The following MEI4 variants were observed in gnomAD, a reference collection of about 807,000 sequenced individuals.
The protein encoded by MEI4 is meiotic double-stranded break formation protein 4, also known as meiosis-specific protein MEI4.
MEI4 carries 27 observed loss-of-function variants against 31.4 expected under a neutral mutation model. That is an observed-to-expected ratio of 0.86 (90% CI 0.63 to 1.19). The LOEUF is 1.19. MEI4 is among the 50% of genes most tolerant of loss of function. The pLI is 0.00. For synonymous variants in MEI4, 122 were observed against 145.4 expected (o/e 0.84, Z 1.16); for missense variants, 329 against 398.9 (o/e 0.82, Z 1.49).
At chr6:77,701,278 C>A (rs191271012) in intron 2 of MEI4, among the ~76,000 whole-genome samples, 86 of 152,240 alleles carry the variant, frequency 5.6e-4, no homozygotes, top group African/African-American at 2.0e-3. Context: ...ACTCACATCA[C>A]AGAGACTAGC....
chr6:77,811,709 A>G (rs977990926), intron 3 of MEI4, among the ~76,000 whole-genome samples: 1 of 151,392 alleles, frequency 6.6e-6, no homozygotes, highest in Admixed American at 6.6e-5. Flanking sequence ...TGGGAGGTGG[A>G]GGTTGCAGTG....
At chr6:77,765,262 T>G (rs2127684097) in intron 3 of MEI4, among the ~76,000 whole-genome samples, 1 of 152,190 alleles carries the variant, frequency 6.6e-6, no homozygotes, top group Middle Eastern at 3.4e-3. Context: ...TATATCTTAT[T>G]TTCTCCACTA....
intron 4 of MEI4, among the ~76,000 whole-genome samples, chr6:77,848,743 CT>C (rs1770543545): frequency 6.6e-6 from 1 of 152,146 alleles, no homozygotes; most frequent in South Asian, 2.1e-4. Context: ...AAAAGGTAGT[CT>C]CAACTCTAAT....
intron 4 of MEI4, among the ~76,000 whole-genome samples, chr6:77,867,750 A>G (rs1267670481): frequency 2.0e-5 from 3 of 152,208 alleles, no homozygotes; most frequent in Non-Finnish European, 4.4e-5. Flanking sequence ...TCATGCTGCT[A>G]TAAAGACACA....
At chr6:77,821,612 A>G (rs950121872) in intron 3 of MEI4, among the ~76,000 whole-genome samples, 19 of 151,936 alleles carry the variant, frequency 1.3e-4, no homozygotes, top group African/African-American at 4.4e-4. Flanking sequence ...CCTGACCAAC[A>G]TGGAGAAACC....
intron 3 of MEI4, among the ~76,000 whole-genome samples, chr6:77,794,859 T>A (rs1474640227): frequency 6.6e-6 from 1 of 152,208 alleles, no homozygotes; most frequent in Non-Finnish European, 1.5e-5. Flanking sequence ...AAGTCTTAAC[T>A]TTAAGAATGT....
chr6:77,865,943 G>A (rs1348666827), intron 4 of MEI4, among the ~76,000 whole-genome samples: 3 of 152,024 alleles, frequency 2.0e-5, no homozygotes, highest in Non-Finnish European at 2.9e-5. Flanking sequence ...AGCAATAAAC[G>A]TAATCCAGCA....
chr6:77,685,072 T>C (rs1582021523), intron 1 of MEI4, among the ~76,000 whole-genome samples: 1 of 152,232 alleles, frequency 6.6e-6, no homozygotes, highest in African/African-American at 2.4e-5. Context: ...TATCTAATTG[T>C]AGTTTTGATT....
chr6:77,732,770 T>C (rs144692841), intron 2 of MEI4, among the ~76,000 whole-genome samples: 30,071 of 151,972 alleles, frequency 0.2, 3,333 homozygotes, highest in African/African-American at 0.28. Context: ...GGGTTTGCCA[T>C]AGATAGCTCT....
intron 4 of MEI4, among the ~76,000 whole-genome samples, chr6:77,840,191 G>T (rs1164421536): frequency 6.6e-6 from 1 of 152,110 alleles, no homozygotes; most frequent in East Asian, 1.9e-4. Context: ...GTAAACGTTA[G>T]AACTGAAAAA....
In MEI4 at chr6:77,698,420, T is replaced by C. The variant is rs9443452; in HGVS notation, c.232+7517T>C. Among the ~76,000 whole-genome samples, 1,157 of 152,296 alleles carry C rather than the reference T, an allele frequency of 7.6e-3. 12 individuals carry two copies. The highest frequency in any genetic ancestry group is 0.024 in the African/African-American group (1,010 of 41,576). On this transcript the variant is annotated intron_variant, in intron 2 of 4. Coordinates refer to ENST00000684080, the MANE Select transcript of MEI4 (RefSeq NM_001322247.2). ...GTGGCTGGTACCGGTTGTTCCTTTC[T>C]ATGTTTAGTGCTTCCTTCAGGAGCT...
At chr6:77,841,333 A>ATTTTTTTTTTTT (rs1239589008) in intron 4 of MEI4, among the ~76,000 whole-genome samples, 4 of 27,736 alleles carry the variant, frequency 1.4e-4, no homozygotes, top group East Asian at 2.2e-3. Flanking sequence ...ATATATATAT[A>ATTTTTTTTTTTT]TTTTTTTTTT....
chr6:77,765,979 A>G (rs773304825), intron 3 of MEI4, among the ~76,000 whole-genome samples: 4 of 152,204 alleles, frequency 2.6e-5, no homozygotes, highest in Non-Finnish European at 5.9e-5. Flanking sequence ...GAATTGAACA[A>G]TAAGAACACA....
intron 4 of MEI4, among the ~76,000 whole-genome samples, chr6:77,864,643 A>AACC (rs1434442041): frequency 1.3e-5 from 2 of 152,134 alleles, no homozygotes; most frequent in Non-Finnish European, 2.9e-5. Flanking sequence ...GAGACTTTAA[A>AACC]ACCCCACTGT....
intron 3 of MEI4, among the ~76,000 whole-genome samples, chr6:77,803,968 G>C (rs10943493): frequency 6.6e-6 from 1 of 151,988 alleles, no homozygotes; most frequent in African/African-American, 2.4e-5. Flanking sequence ...CTCCAGTTGC[G>C]TGCTGGGAGA....
intron 1 of MEI4, among the ~76,000 whole-genome samples, chr6:77,669,211 G>A (rs925266638): frequency 6.6e-6 from 1 of 152,022 alleles, no homozygotes; most frequent in African/African-American, 2.4e-5. Context: ...TATTTTGAAA[G>A]AGGAAGCATG....
chr6:77,701,225 T>A (rs1379333025), intron 2 of MEI4, among the ~76,000 whole-genome samples: 1 of 152,200 alleles, frequency 6.6e-6, no homozygotes, highest in Non-Finnish European at 1.5e-5. Context: ...ACTCTTAATG[T>A]TGGCAAGGAT....
At chr6:77,917,129 C>T (rs1210056091) in intron 4 of MEI4, among the ~76,000 whole-genome samples, 7 of 151,882 alleles carry the variant, frequency 4.6e-5, no homozygotes, top group East Asian at 1.9e-4. Flanking sequence ...CATAGTATTC[C>T]GTGGTGTATA....
intron 1 of MEI4, among the ~76,000 whole-genome samples, chr6:77,671,054 G>GTTTTTTT (rs35429284): frequency 2.7e-5 from 3 of 110,412 alleles, no homozygotes; most frequent in Non-Finnish European, 3.8e-5. Flanking sequence ...GTGAATTGTT[G>GTTTTTTT]TTTTTTTTTT....
Sources: gnomAD v4.1 joint callset for allele counts (sites outside exome capture counted in the v4.1 genomes callset) on GRCh38, gnomAD v4.1.1 for gene constraint, MANE v1.5 for transcripts, NCBI Gene and HGNC (gene_info 2026-07-23, HGNC 2026-07-21) for gene names.